Variants in ALX4 observed in about 807,000 individuals in gnomAD.
ALX4 encodes the protein homeobox protein aristaless-like 4.
Under a neutral mutation model 40.6 loss-of-function variants are expected in ALX4, and 22 were observed. The observed-to-expected ratio is 0.54, with a 90% confidence interval of 0.39 to 0.77. The LOEUF (loss-of-function observed/expected upper bound fraction) is 0.77, where lower values mean the gene tolerates loss of function less well. Among genes scored for constraint, ALX4 ranks in the 30% least tolerant of loss-of-function variants. The pLI is 0.00. For missense variants in ALX4, 556 were observed against 564.8 expected (o/e 0.98, Z 0.16); for synonymous variants, 266 against 240.5 (o/e 1.11, Z -0.98).
intron 3 of ALX4, among the ~76,000 whole-genome samples, chr11:44,265,765 C>G (rs2135306098): frequency 6.6e-6 from 1 of 152,210 alleles, no homozygotes. Context: ...AGAACTAACT[C>G]AGGATGGAAG....
At chr11:44,290,804 G>C (rs1956364623) in intron 1 of ALX4, among the ~76,000 whole-genome samples, 1 of 152,206 alleles carries the variant, frequency 6.6e-6, no homozygotes. Flanking sequence ...TGTAAGATGA[G>C]GCTGAGAACA....
chr11:44,264,689 A>T lies in ALX4; in HGVS notation c.*165T>A. 1 of 744,542 alleles carries T rather than the reference A, an allele frequency of 1.3e-6. No individual in the cohort carries two copies. Among genetic ancestry groups the T allele is most frequent in the Non-Finnish European group, 2.1e-6 (1 of 466,966 alleles). The allele number at this position is 744,542 out of a possible 1,614,324, so 46.1% of individuals were successfully genotyped here. ...AGGGGCCTGCTGCCCCCTCCCTCCC[A>T]GCAGTCCACGGGGCCTCAGACTTGG... is the stretch of plus-strand genomic sequence containing the variant. On this transcript the variant is annotated 3_prime_UTR_variant, in exon 4 of 4. Coordinates refer to ENST00000652299, the MANE Select transcript of ALX4 (RefSeq NM_021926.4).
chr11:44,277,255 G>A (rs144355822), intron 1 of ALX4, among the ~76,000 whole-genome samples: 113 of 152,288 alleles, frequency 7.4e-4, no homozygotes, highest in African/African-American at 2.4e-3. Context: ...AGAGGACTCC[G>A]ACCCTGGAGA....
At chr11:44,296,305 T>G (rs1956402208) in intron 1 of ALX4, among the ~76,000 whole-genome samples, 1 of 152,152 alleles carries the variant, frequency 6.6e-6, no homozygotes. Context: ...ATATTCAAAA[T>G]TAAAGTCATC....
In ALX4 at chr11:44,291,812, A is replaced by G. The variant is rs1956371039; in HGVS notation, c.467-16154T>C. Among the ~76,000 whole-genome samples, 5 of 151,860 alleles carry G rather than the reference A, an allele frequency of 3.3e-5. No individual in the cohort carries two copies. The South Asian group carries it at 1.0e-3, about 32-fold the overall frequency. ...CTTTCTCAAATGTGCTCCTTCTTTA[A>G]TTTTTATTTATGTATTTATTTATAG... On this transcript the variant is annotated intron_variant, in intron 1 of 3. Transcript: ENST00000652299.
intron 3 of ALX4, among the ~76,000 whole-genome samples, chr11:44,265,983 C>T (rs1395620839): frequency 2.6e-5 from 4 of 152,094 alleles, no homozygotes; most frequent in African/African-American, 7.2e-5. Flanking sequence ...GGGGGAGACC[C>T]GGGAACCTCT....
At chr11:44,294,671 C>A (rs1322341849) in intron 1 of ALX4, among the ~76,000 whole-genome samples, 1 of 152,048 alleles carries the variant, frequency 6.6e-6, no homozygotes, top group African/African-American at 2.4e-5. Context: ...ATAATTTCTT[C>A]ATTTTCCAAC....
rs886937233 is a variant in ALX4 at position 44,288,763 on chromosome 11, T to C, written c.467-13105A>G. 3.9e-5 allele frequency among the ~76,000 whole-genome samples: 6 copies of C among 152,350 alleles called. No individual in the cohort carries two copies. The East Asian group carries it at 1.2e-3, about 29-fold the overall frequency. ...ACCAAGGTCAAGCTACTGTTGGAAC[T>C]TAAAAGTTTAAAAAGTACTTTAATT... On this transcript the variant is annotated intron_variant, in intron 1 of 3. Coordinates refer to ENST00000652299, the MANE Select transcript of ALX4 (RefSeq NM_021926.4).
At chr11:44,302,979 G>A (rs1317960163) in intron 1 of ALX4, among the ~76,000 whole-genome samples, 1 of 152,196 alleles carries the variant, frequency 6.6e-6, no homozygotes. Context: ...CCCCGGAGCA[G>A]AACATACTTC....
chr11:44,297,697 C>T (rs760633776), intron 1 of ALX4, among the ~76,000 whole-genome samples: 2 of 150,728 alleles, frequency 1.3e-5, no homozygotes, highest in African/African-American at 2.4e-5. Context: ...GCCTGGGTGA[C>T]CGAGTGAGAC....
intron 1 of ALX4, among the ~76,000 whole-genome samples, chr11:44,292,228 CT>C (rs1056811775): frequency 1.6e-3 from 231 of 147,106 alleles, no homozygotes; most frequent in Admixed American, 6.4e-3. Flanking sequence ...TATAAGATTG[CT>C]TTTTTTTTTT....
chr11:44,301,269 G>T (rs1464111739), intron 1 of ALX4, among the ~76,000 whole-genome samples: 1 of 152,240 alleles, frequency 6.6e-6, no homozygotes, highest in Non-Finnish European at 1.5e-5. Context: ...CCCATTGTGT[G>T]TGTGCTGCAG....
At chr11:44,293,345 G>A (rs1956383848) in intron 1 of ALX4, among the ~76,000 whole-genome samples, 1 of 152,014 alleles carries the variant, frequency 6.6e-6, no homozygotes, top group Non-Finnish European at 1.5e-5. Flanking sequence ...TTGGGAGGCT[G>A]AGGTGGGCGG....
At chr11:44,271,333 C>G (rs1016874170) in intron 2 of ALX4, among the ~76,000 whole-genome samples, 1 of 152,226 alleles carries the variant, frequency 6.6e-6, no homozygotes, top group Non-Finnish European at 1.5e-5. Context: ...GTCCCGGATT[C>G]CAGTCGCAGT....
intron 1 of ALX4, among the ~76,000 whole-genome samples, chr11:44,307,000 T>C (rs1248823277): frequency 6.6e-6 from 1 of 152,184 alleles, no homozygotes; most frequent in Non-Finnish European, 1.5e-5. Context: ...AGTGCCTCCA[T>C]CTTAGGCAGC....
intron 1 of ALX4, among the ~76,000 whole-genome samples, chr11:44,282,750 C>G (rs1956316799): frequency 6.6e-6 from 1 of 152,162 alleles, no homozygotes; most frequent in Admixed American, 6.5e-5. Context: ...CTGCACTCAG[C>G]TAGCACATGA....
Position 44,310,027 on chromosome 11 carries a change from C to G in ALX4, c.36G>C (p.Ser12=). The part of the protein sequence containing the change: ...NAETCVSYCE[S]PAAAMDAYYS... Reference sequence around the variant, plus strand: ...AGTAGGCGTCCATGGCAGCGGCCGGCGACTCGCAGTAAGAGACGCAAGTCT... The same window carrying G: ...AGTAGGCGTCCATGGCAGCGGCCGGGGACTCGCAGTAAGAGACGCAAGTCT... The change falls in exon 1 of 4, where the codon TCG becomes TCC. Residue 12 remains serine, a synonymous_variant. Transcript: ENST00000652299. The G allele has an allele frequency of 6.2e-7, 1 of 1,602,060 alleles. No homozygotes were observed. Among genetic ancestry groups the G allele is most frequent in the Non-Finnish European group, 8.5e-7 (1 of 1,174,662 alleles).
intron 1 of ALX4, among the ~76,000 whole-genome samples, chr11:44,299,158 A>T (rs1439890234): frequency 6.6e-6 from 1 of 152,152 alleles, no homozygotes; most frequent in Non-Finnish European, 1.5e-5. Context: ...TCATGCAGTC[A>T]TTCCTCATAC....
intron 1 of ALX4, among the ~76,000 whole-genome samples, chr11:44,306,186 C>A (rs1956466848): frequency 6.6e-6 from 1 of 152,114 alleles, no homozygotes; most frequent in African/African-American, 2.4e-5. Context: ...TTCGTAAAAA[C>A]GCGGTCTCCG....
Sources: allele counts gnomAD v4.1 joint callset (sites outside exome capture counted in the v4.1 genomes callset), GRCh38; gene constraint gnomAD v4.1.1; transcripts MANE v1.5; gene names NCBI Gene and HGNC (gene_info 2026-07-23, HGNC 2026-07-21).